The following KCNQ1OT1 variants were observed in gnomAD, a reference collection of about 807,000 sequenced individuals.
KCNQ1OT1 encodes the protein KCNQ1 opposite strand/antisense transcript 1, also known as KCNQ1 antisense RNA 2 (non-protein coding).
chr11:2,654,155 G>A lies in KCNQ1OT1; in HGVS notation n.45840C>T, dbSNP rs1236001115. 3 of 398,408 alleles carry A rather than the reference G, an allele frequency of 7.5e-6. No individual in the cohort carries two copies. The highest frequency in any genetic ancestry group is 8.8e-5 in the Admixed American group (2 of 22,722). 24.7% of individuals were successfully genotyped at this position (398,408 alleles called of 1,614,324 possible). A position where few individuals can be genotyped will look rare whatever the true frequency, so the allele number is the denominator to read the frequency against. ...ACTCTGGCTCAGGGTCTATGAGCCG[G>A]GCATGGGCAGCTGGCACAGGCTGTG... On this transcript the variant is annotated non_coding_transcript_exon_variant, in exon 1 of 1. Coordinates refer to ENST00000597346, the Ensembl canonical transcript of KCNQ1OT1. The surrounding 1 kb of genome is among the most constrained non-coding windows in gnomAD (Gnocchi z 6.4).
chr11:2,668,622 TTTTATG>T lies in KCNQ1OT1; in HGVS notation n.31367_31372del, dbSNP rs1850125727. 1 of 398,618 alleles carries T rather than the reference TTTTATG, an allele frequency of 2.5e-6. No individual in the cohort carries two copies. The highest frequency in any genetic ancestry group is 4.4e-6 in the Non-Finnish European group (1 of 226,056). 24.7% of individuals were successfully genotyped at this position (398,618 alleles called of 1,614,324 possible). A position where few individuals can be genotyped will look rare whatever the true frequency, so the allele number is the denominator to read the frequency against. On this transcript the variant is annotated non_coding_transcript_exon_variant, in exon 1 of 1. Transcript: ENST00000597346. This position sits in a 1 kb window ranked among gnomAD's most constrained non-coding sequence, Gnocchi z 4.3. Reference sequence around the variant, plus strand: ...ATAAATTGCCTACATCTTCTGCCTGTTTTATGTTTATTTATGGTCCTATATATCTTT... The same window carrying T: ...ATAAATTGCCTACATCTTCTGCCTGTTTTATTTATGGTCCTATATATCTTT...
exon 1 of KCNQ1OT1, chr11:2,615,442 C>A: frequency 2.5e-6 from 1 of 397,920 alleles, no homozygotes; most frequent in South Asian, 1.3e-4. Context: ...GTACATTGTT[C>A]AATAGCACTG....
rs1199551928 is a variant in KCNQ1OT1, at chr11:2,658,450, C to G, written n.41545G>C. On this transcript the variant is annotated non_coding_transcript_exon_variant, in exon 1 of 1. Coordinates refer to ENST00000597346, the Ensembl canonical transcript of KCNQ1OT1. The surrounding 1 kb of genome is among the most constrained non-coding windows in gnomAD (Gnocchi z 4.9). ...GTGGCCACTGGTGGGTTCATGTGTC[C>G]TTTTGATGTGCCCCCCGCCATCCTT... is the stretch of plus-strand genomic sequence containing the variant. 2.5e-6 allele frequency: 1 copy of G among 398,370 alleles called. No individual in the cohort carries two copies. Among genetic ancestry groups the G allele is most frequent in the Non-Finnish European group, 4.4e-6 (1 of 226,046 alleles). 24.7% of individuals were successfully genotyped at this position (398,370 alleles called of 1,614,324 possible).
At chr11:2,609,486 TA>T in exon 1 of KCNQ1OT1, 1 of 398,400 alleles carries the variant, frequency 2.5e-6, no homozygotes, top group Non-Finnish European at 4.4e-6. Flanking sequence ...GAAAATACTG[TA>T]TATTCAATGT....
At chr11:2,696,276 C>A (rs950667786) in exon 1 of KCNQ1OT1, 1 of 398,508 alleles carries the variant, frequency 2.5e-6, no homozygotes, top group African/African-American at 2.1e-5. Context: ...CATTTGGAGT[C>A]TACTTTTCCT....
rs1037833480 is a variant in KCNQ1OT1, at chr11:2,658,418, T to G, written n.41577A>C. ...TTATTTATTTTGTTGCTCAAATTGTTCAAGCTGTGGCCACTGGTGGGTTCA... is the reference window on the plus strand; with the variant it reads ...TTATTTATTTTGTTGCTCAAATTGTGCAAGCTGTGGCCACTGGTGGGTTCA... On this transcript the variant is annotated non_coding_transcript_exon_variant, in exon 1 of 1. Transcript: ENST00000597346. This position sits in a 1 kb window ranked among gnomAD's most constrained non-coding sequence, Gnocchi z 4.9. 3 of 398,486 alleles carry G rather than the reference T, an allele frequency of 7.5e-6. No homozygotes were observed. The highest frequency in any genetic ancestry group is 6.2e-5 in the African/African-American group (3 of 48,620). 24.7% of individuals were successfully genotyped at this position (398,486 alleles called of 1,614,324 possible).
Position 2,671,781 on chromosome 11 carries a change from A to T in KCNQ1OT1, n.28214T>A. ...TACATGCATGCACATAATCATTCTG[A>T]CCCAGTCAGGGTTCTTCCCCCAAAT... On this transcript the variant is annotated non_coding_transcript_exon_variant, in exon 1 of 1. Coordinates refer to ENST00000597346, the Ensembl canonical transcript of KCNQ1OT1. This position sits in a 1 kb window ranked among gnomAD's most constrained non-coding sequence, Gnocchi z 4.7. The T allele has an allele frequency of 2.5e-6, 1 of 398,696 alleles. No homozygotes were observed. 24.7% of individuals were successfully genotyped at this position (398,696 alleles called of 1,614,324 possible).
Position 2,662,956 on chromosome 11 carries a change from G to A in KCNQ1OT1, n.37039C>T, listed in dbSNP as rs1849995363. 1.0e-5 allele frequency: 4 copies of A among 398,582 alleles called. No homozygotes were observed. In the South Asian group the frequency reaches 3.8e-4, roughly 38 times the overall value. The allele number at this position is 398,582 out of a possible 1,614,324, so 24.7% of individuals were successfully genotyped here. A position where few individuals can be genotyped will look rare whatever the true frequency, so the allele number is the denominator to read the frequency against. On this transcript the variant is annotated non_coding_transcript_exon_variant, in exon 1 of 1. Coordinates refer to ENST00000597346, the Ensembl canonical transcript of KCNQ1OT1. Reference sequence around the variant, plus strand: ...TGTCTTTGTCGTAGTGAGGCCCTGGGCCTCCTGCCTTTGCAGCCAGCCAGG... The same window carrying A: ...TGTCTTTGTCGTAGTGAGGCCCTGGACCTCCTGCCTTTGCAGCCAGCCAGG...
Position 2,669,047 on chromosome 11 carries a change from A to G in KCNQ1OT1, n.30948T>C, listed in dbSNP as rs1459430671. 3 of 398,556 alleles carry G rather than the reference A, an allele frequency of 7.5e-6. No homozygotes were observed. The highest frequency in any genetic ancestry group is 8.8e-6 in the Non-Finnish European group (2 of 226,108). 24.7% of individuals were successfully genotyped at this position (398,556 alleles called of 1,614,324 possible). ...GTCTAGCTCAGCACCCGGCATGGGA[A>G]GGCCCGTCCTCTCCCAACTACCCTG... On this transcript the variant is annotated non_coding_transcript_exon_variant, in exon 1 of 1. Transcript: ENST00000597346. This position sits in a 1 kb window ranked among gnomAD's most constrained non-coding sequence, Gnocchi z 5.6.
chr11:2,667,211 CT>C (rs1850092281), exon 1 of KCNQ1OT1: 2 of 398,650 alleles, frequency 5.0e-6, no homozygotes, highest in Admixed American at 8.8e-5. Flanking sequence ...CCGTGGCCCC[CT>C]AACCTTTCCA....
exon 1 of KCNQ1OT1, chr11:2,628,536 A>C (rs1849297564): frequency 2.5e-6 from 1 of 398,420 alleles, no homozygotes; most frequent in Non-Finnish European, 4.4e-6. Flanking sequence ...TATATATTGG[A>C]TATTAATAGC....
chr11:2,642,282 T>G lies in KCNQ1OT1; in HGVS notation n.57713A>C. The G allele has an allele frequency of 2.5e-6, 1 of 398,378 alleles. No individual in the cohort carries two copies. Among genetic ancestry groups the G allele is most frequent in the Non-Finnish European group, 4.4e-6 (1 of 225,906 alleles). The allele number at this position is 398,378 out of a possible 1,614,324, so 24.7% of individuals were successfully genotyped here. A position where few individuals can be genotyped will look rare whatever the true frequency, so the allele number is the denominator to read the frequency against. ...ATGTTTTTTGTGTGTTCTTTTCAAT[T>G]TCTTTCATCAGACTTTTGTAGTTTT... is the stretch of plus-strand genomic sequence containing the variant. On this transcript the variant is annotated non_coding_transcript_exon_variant, in exon 1 of 1. Coordinates refer to ENST00000597346, the Ensembl canonical transcript of KCNQ1OT1. The surrounding 1 kb of genome is among the most constrained non-coding windows in gnomAD (Gnocchi z 4.3).
rs1052391637 is a variant in KCNQ1OT1 at position 2,698,131 on chromosome 11, G to A, written n.1864C>T. 1 of 398,552 alleles carries A rather than the reference G, an allele frequency of 2.5e-6. No homozygotes were observed. The allele number at this position is 398,552 out of a possible 1,614,324, so 24.7% of individuals were successfully genotyped here. A position where few individuals can be genotyped will look rare whatever the true frequency, so the allele number is the denominator to read the frequency against. On this transcript the variant is annotated non_coding_transcript_exon_variant, in exon 1 of 1. Coordinates refer to ENST00000597346, the Ensembl canonical transcript of KCNQ1OT1. The surrounding 1 kb of genome is among the most constrained non-coding windows in gnomAD (Gnocchi z 5.1). ...AGGCTCTTGGCTGGGTACAGAGCAG[G>A]CAGCAGAAAACAAAACAGAGTTCCT...
chr11:2,624,810 A>C lies in KCNQ1OT1; in HGVS notation n.75185T>G, dbSNP rs1849237682. The C allele has an allele frequency of 2.5e-6, 1 of 398,524 alleles. No homozygotes were observed. The highest frequency in any genetic ancestry group is 4.4e-6 in the Non-Finnish European group (1 of 226,042). The allele number at this position is 398,524 out of a possible 1,614,324, so 24.7% of individuals were successfully genotyped here. ...TATGTCTCTGATTTGACTATTCTAC[A>C]TACCTCATATAAGTGGAAACATACA... On this transcript the variant is annotated non_coding_transcript_exon_variant, in exon 1 of 1. Transcript: ENST00000597346. This position sits in a 1 kb window ranked among gnomAD's most constrained non-coding sequence, Gnocchi z 4.9.
chr11:2,663,274 G>T lies in KCNQ1OT1; in HGVS notation n.36721C>A. On this transcript the variant is annotated non_coding_transcript_exon_variant, in exon 1 of 1. Transcript: ENST00000597346. The surrounding 1 kb of genome is among the most constrained non-coding windows in gnomAD (Gnocchi z 5.2). ...GGGTGACTAGTCATGGACACCCTGA[G>T]AATAGGGCTCTGAGCTTCTGGGCCC... is the stretch of plus-strand genomic sequence containing the variant. 1 of 398,718 alleles carries T rather than the reference G, an allele frequency of 2.5e-6. No individual in the cohort carries two copies. The highest frequency in any genetic ancestry group is 4.4e-6 in the Non-Finnish European group (1 of 226,164). The allele number at this position is 398,718 out of a possible 1,614,324, so 24.7% of individuals were successfully genotyped here. A position where few individuals can be genotyped will look rare whatever the true frequency, so the allele number is the denominator to read the frequency against.
At position 2,666,412 on chromosome 11, in the gene KCNQ1OT1, C is replaced by T. The variant is rs572603072; in HGVS notation, n.33583G>A. 29 of 398,538 alleles carry T rather than the reference C, an allele frequency of 7.3e-5. 1 individual carries two copies. The South Asian group carries it at 8.9e-4, about 12-fold the overall frequency. 24.7% of individuals were successfully genotyped at this position (398,538 alleles called of 1,614,324 possible). On this transcript the variant is annotated non_coding_transcript_exon_variant, in exon 1 of 1. Coordinates refer to ENST00000597346, the Ensembl canonical transcript of KCNQ1OT1. ...GCAAATCCTTGAGCAAAAACAGCCC[C>T]GTGTGCGTTAATTAGAATTTCCATG... is the stretch of plus-strand genomic sequence containing the variant.
Position 2,620,729 on chromosome 11 carries a change from T to C in KCNQ1OT1, n.79266A>G, listed in dbSNP as rs1849155853. The stretch of plus-strand genomic sequence containing the variant: ...CCAGTAATGGGATTGCTGGGTCAGA[T>C]GGTAGTTCTGTTTTCAGTTATTTGA... On this transcript the variant is annotated non_coding_transcript_exon_variant, in exon 1 of 1. Transcript: ENST00000597346. This position sits in a 1 kb window ranked among gnomAD's most constrained non-coding sequence, Gnocchi z 4.5. The C allele has an allele frequency of 2.5e-6, 1 of 398,624 alleles. No individual in the cohort carries two copies. Among genetic ancestry groups the C allele is most frequent in the Non-Finnish European group, 4.4e-6 (1 of 226,068 alleles). 24.7% of individuals were successfully genotyped at this position (398,624 alleles called of 1,614,324 possible).
At position 2,623,383 on chromosome 11, in the gene KCNQ1OT1, C is replaced by A. The variant is rs146604870; in HGVS notation, n.76612G>T. ...ATACGTATATTTACATATATTTGTACATTTTCACTGCCCTAAAAGTACTCT... is the reference window on the plus strand; with the variant it reads ...ATACGTATATTTACATATATTTGTAAATTTTCACTGCCCTAAAAGTACTCT... On this transcript the variant is annotated non_coding_transcript_exon_variant, in exon 1 of 1. Coordinates refer to ENST00000597346, the Ensembl canonical transcript of KCNQ1OT1. The surrounding 1 kb of genome is among the most constrained non-coding windows in gnomAD (Gnocchi z 5.2). 360 of 398,554 alleles carry A rather than the reference C, an allele frequency of 9.0e-4. 1 individual carries two copies. Among genetic ancestry groups the A allele is most frequent in the African/African-American group, 6.4e-3 (312 of 48,730 alleles). 24.7% of individuals were successfully genotyped at this position (398,554 alleles called of 1,614,324 possible).
chr11:2,619,899 A>G (rs2412058), exon 1 of KCNQ1OT1: 91,144 of 397,888 alleles, frequency 0.23, 12,929 homozygotes, highest in African/African-American at 0.51. Context: ...GTACAGGTCT[A>G]TATGTTGCAT....
Sources: gnomAD v4.1 joint callset for allele counts on GRCh38, gnomAD v4.1.1 for gene constraint, Gnocchi (gnomAD v3.1) non-coding constraint, MANE v1.5 for transcripts, NCBI Gene and HGNC (gene_info 2026-07-23, HGNC 2026-07-21) for gene names.